MDGA2: variants seen among roughly 807,000 people sequenced by gnomAD.
MDGA2 encodes MAM domain-containing glycosylphosphatidylinositol anchor protein 2.
Under a neutral mutation model 117.8 loss-of-function variants are expected in MDGA2, and 40 were observed. The ratio of observed to expected loss-of-function variants is 0.34; its 90% CI spans 0.26 to 0.44. MDGA2 has a LOEUF of 0.44. Ranked by LOEUF, MDGA2 falls within the 20% of genes least tolerant of loss-of-function variation. MDGA2 has a pLI of 1.00. For synonymous variants in MDGA2, 452 were observed against 439.0 expected (o/e 1.03, Z -0.37); for missense variants, 1,123 against 1,250.6 (o/e 0.90, Z 1.54).
chr14:46,996,006 C>G (rs1887276306), intron 8 of MDGA2, among the ~76,000 whole-genome samples: 2 of 151,970 alleles, frequency 1.3e-5, no homozygotes, highest in South Asian at 4.2e-4. Flanking sequence ...TGGTCTATAT[C>G]CATCCAGTGT....
intron 1 of MDGA2, among the ~76,000 whole-genome samples, chr14:47,501,472 ATAGAT>A (rs1180678364): frequency 1.3e-5 from 2 of 152,170 alleles, no homozygotes; most frequent in African/African-American, 2.4e-5. Flanking sequence ...ATGGTGTTAG[ATAGAT>A]TAATGTTTAT....
chr14:47,422,642 C>T (rs1240982614), intron 1 of MDGA2, among the ~76,000 whole-genome samples: 1 of 152,100 alleles, frequency 6.6e-6, no homozygotes, highest in East Asian at 1.9e-4. Flanking sequence ...TCTATTTTTG[C>T]CATCCTTCTT....
chr14:47,627,997 G>A (rs1348323145), intron 1 of MDGA2, among the ~76,000 whole-genome samples: 1 of 152,196 alleles, frequency 6.6e-6, no homozygotes, highest in African/African-American at 2.4e-5. Context: ...CATTCTTGAA[G>A]TCAGTGAGAC....
chr14:47,262,229 A>G (rs535166759), intron 2 of MDGA2, among the ~76,000 whole-genome samples: 1 of 152,292 alleles, frequency 6.6e-6, no homozygotes, highest in South Asian at 2.1e-4. Flanking sequence ...GTTCACTAAT[A>G]TATGTGTATT....
chr14:46,845,972 T>C, intron 15 of MDGA2, 101 bp from the exon 16 acceptor site: 1 of 800,714 alleles, frequency 1.2e-6, no homozygotes, highest in Non-Finnish European at 2.1e-6. Context: ...TCAGTAATCC[T>C]GGCATCTTTT....
intron 1 of MDGA2, among the ~76,000 whole-genome samples, chr14:47,370,601 T>A (rs1891335060): frequency 6.7e-6 from 1 of 149,296 alleles, no homozygotes; most frequent in Non-Finnish European, 1.5e-5. Flanking sequence ...AGTATCCACA[T>A]GTAAGAATGT....
chr14:47,601,591 G>T (rs570841231), intron 1 of MDGA2, among the ~76,000 whole-genome samples: 1 of 152,170 alleles, frequency 6.6e-6, no homozygotes, highest in Non-Finnish European at 1.5e-5. Flanking sequence ...AAATGAAATG[G>T]TTTTATTTAA....
intron 2 of MDGA2, among the ~76,000 whole-genome samples, chr14:47,223,873 T>C (rs1439737023): frequency 2.0e-5 from 3 of 152,026 alleles, no homozygotes. Flanking sequence ...AAACATCCTT[T>C]TTCACATGGC....
chr14:47,394,831 CAAATAT>C, intron 1 of MDGA2, among the ~76,000 whole-genome samples: 1 of 152,158 alleles, frequency 6.6e-6, no homozygotes, highest in Non-Finnish European at 1.5e-5. Flanking sequence ...TTTTTGACAA[CAAATAT>C]AAAGTTATGT....
chr14:47,552,563 A>C (rs1336567456), intron 1 of MDGA2, among the ~76,000 whole-genome samples: 1 of 152,136 alleles, frequency 6.6e-6, no homozygotes, highest in African/African-American at 2.4e-5. Flanking sequence ...ATCACACCTC[A>C]TAACTTCCAC....
intron 2 of MDGA2, among the ~76,000 whole-genome samples, chr14:47,288,701 G>GT (rs1177390376): frequency 2.0e-5 from 3 of 152,148 alleles, no homozygotes; most frequent in Non-Finnish European, 4.4e-5. Context: ...GTTATTTTTA[G>GT]TTTTTTTGTT....
At chr14:47,448,311 G>C (rs886763096) in intron 1 of MDGA2, among the ~76,000 whole-genome samples, 1 of 151,828 alleles carries the variant, frequency 6.6e-6, no homozygotes, top group Non-Finnish European at 1.5e-5. Flanking sequence ...ACTAATTTTT[G>C]TATTTTTAGT....
At chr14:47,319,340 C>T (rs932091445) in intron 1 of MDGA2, among the ~76,000 whole-genome samples, 2 of 152,098 alleles carry the variant, frequency 1.3e-5, no homozygotes, top group Non-Finnish European at 2.9e-5. Flanking sequence ...AGTTGTAAAA[C>T]GTCTATTATA....
chr14:46,926,796 G>A (rs946981849), intron 9 of MDGA2, among the ~76,000 whole-genome samples: 1 of 152,046 alleles, frequency 6.6e-6, no homozygotes, highest in Non-Finnish European at 1.5e-5. Context: ...TAACTGCTGG[G>A]AAAGAAGCTA....
intron 1 of MDGA2, among the ~76,000 whole-genome samples, chr14:47,577,619 G>C (rs1263862717): frequency 6.6e-6 from 1 of 152,062 alleles, no homozygotes; most frequent in Non-Finnish European, 1.5e-5. Context: ...TCAAAAAGTG[G>C]GCAAAGGATA....
chr14:47,122,453 G>T (rs1396991838), intron 5 of MDGA2, among the ~76,000 whole-genome samples: 2 of 152,092 alleles, frequency 1.3e-5, no homozygotes, highest in Non-Finnish European at 1.5e-5. Context: ...GGGACTTCCA[G>T]TGAGTCCAAG....
rs895350609 is a variant in MDGA2, at chr14:47,674,805, ACACT to A, written c.-13_-10del. ...GCACTCCACACACTCATGCACACAC[ACACT>A]CACACACACTCACACACTCTCCCAC... is the stretch of plus-strand genomic sequence containing the variant. On this transcript the variant is annotated 5_prime_UTR_variant, in exon 1 of 17. Coordinates refer to ENST00000399232, the MANE Select transcript of MDGA2 (RefSeq NM_001113498.3). 2.3e-5 allele frequency: 15 copies of A among 642,124 alleles called. No individual in the cohort carries two copies. The highest frequency in any genetic ancestry group is 3.8e-4 in the Middle Eastern group (1 of 2,620). The allele number at this position is 642,124 out of a possible 1,614,324, so 39.8% of individuals were successfully genotyped here.
intron 6 of MDGA2, among the ~76,000 whole-genome samples, chr14:47,095,175 A>G (rs1017656700): frequency 6.6e-6 from 1 of 152,034 alleles, no homozygotes; most frequent in Non-Finnish European, 1.5e-5. Context: ...AGCACATTTC[A>G]TTGATTCTAA....
chr14:47,385,697 G>A (rs1891741051), intron 1 of MDGA2, among the ~76,000 whole-genome samples: 1 of 152,052 alleles, frequency 6.6e-6, no homozygotes, highest in African/African-American at 2.4e-5. Flanking sequence ...CTTTCTAAAT[G>A]TCAGGAGCAA....
Sources: allele counts gnomAD v4.1 joint callset (sites outside exome capture counted in the v4.1 genomes callset), GRCh38; gene constraint gnomAD v4.1.1; transcripts MANE v1.5; gene names NCBI Gene and HGNC (gene_info 2026-07-23, HGNC 2026-07-21).